The following ALMS1 variants were observed in gnomAD, a reference collection of about 807,000 sequenced individuals.
ALMS1 encodes centrosome-associated protein ALMS1.
A neutral mutation model predicts 352.2 loss-of-function variants in ALMS1; 271 were observed. That is an observed-to-expected ratio of 0.77 (90% CI 0.70 to 0.85). ALMS1 has a LOEUF of 0.85. Ranked by LOEUF, ALMS1 falls within the 40% of genes least tolerant of loss-of-function variation. The pLI is 0.00. For synonymous variants in ALMS1, 1,865 were observed against 1,761.2 expected, an observed-to-expected ratio of 1.06 and a Z score of -1.48; for missense variants, 5,445 against 4,870.7, an observed-to-expected ratio of 1.12 and a Z score of -3.51.
At chr2:73,460,969 G>A (rs889639950) in intron 9 of ALMS1, among the ~76,000 whole-genome samples, 2 of 152,248 alleles carry the variant, frequency 1.3e-5, no homozygotes, top group Non-Finnish European at 2.9e-5. Context: ...GCCCACTACA[G>A]CTCAAGGAGG....
At chr2:73,577,470 T>G (rs749022211) in intron 16 of ALMS1, among the ~76,000 whole-genome samples, 4 of 151,556 alleles carry the variant, frequency 2.6e-5, no homozygotes, top group Non-Finnish European at 4.4e-5. Flanking sequence ...ATTTAGTATG[T>G]TTTTTTTTCT....
chr2:73,569,156 AC>A (rs911596826), intron 15 of ALMS1, among the ~76,000 whole-genome samples: 7 of 151,562 alleles, frequency 4.6e-5, no homozygotes, highest in Non-Finnish European at 8.8e-5. Context: ...CTGGGATTGC[AC>A]GTGTGCACCA....
chr2:73,436,950 T>C (rs1671615679), intron 7 of ALMS1, among the ~76,000 whole-genome samples: 1 of 152,260 alleles, frequency 6.6e-6, no homozygotes, highest in Admixed American at 6.5e-5. Flanking sequence ...ATCTTACTTT[T>C]CTGTTATTGT....
In ALMS1 at chr2:73,451,609, TC is replaced by T; in HGVS notation, c.5084del (p.Pro1695LeufsTer37). ...AAGAAGCTCTGAAAGTTCCACCTGT[TC>T]CTGGACCAGATGCCCAGAAGACTGA... ...PEEALKVPPV[P>X]GPDAQKTETP... On this transcript the variant is annotated frameshift_variant, in exon 8 of 23. Transcript: ENST00000613296. LOFTEE classifies it high-confidence loss of function. The T allele has an allele frequency of 6.2e-7, 1 of 1,614,098 alleles. No homozygotes were observed.
At chr2:73,515,341 C>A (rs556078975) in intron 10 of ALMS1, among the ~76,000 whole-genome samples, 23 of 151,958 alleles carry the variant, frequency 1.5e-4, no homozygotes, top group Admixed American at 5.2e-4. Flanking sequence ...ATATTAATAA[C>A]CATTTTGAAG....
chr2:73,399,001 GC>G (rs1670819445), intron 1 of ALMS1, among the ~76,000 whole-genome samples: 1 of 152,060 alleles, frequency 6.6e-6, no homozygotes, highest in African/African-American at 2.4e-5. Context: ...CTGCCACCAT[GC>G]CTGGCTAATT....
intron 16 of ALMS1, among the ~76,000 whole-genome samples, chr2:73,585,392 CTTTT>C (rs760209126): frequency 3.3e-5 from 4 of 122,570 alleles, no homozygotes; most frequent in Admixed American, 8.4e-5. Context: ...TGATGATGAG[CTTTT>C]TTTTTTTTTT....
intron 16 of ALMS1, among the ~76,000 whole-genome samples, chr2:73,590,677 CTTTTTTTTTTTTT>C: frequency 1.8e-5 from 2 of 108,444 alleles, no homozygotes; most frequent in South Asian, 6.2e-4. Context: ...TGTTTTATTA[CTTTTTTTTTTTTT>C]TTTTTTTTTG....
chr2:73,436,336 G>C (rs1228409138), intron 7 of ALMS1, among the ~76,000 whole-genome samples: 2 of 152,110 alleles, frequency 1.3e-5, no homozygotes, highest in African/African-American at 4.8e-5. Flanking sequence ...TCAGTATCTT[G>C]ATTATGATAT....
intron 11 of ALMS1, among the ~76,000 whole-genome samples, chr2:73,525,267 T>G (rs868486670): frequency 5.0e-4 from 76 of 152,322 alleles, no homozygotes; most frequent in Middle Eastern, 6.8e-3. Flanking sequence ...CATACTGACT[T>G]ACTTTATTTT....
chr2:73,588,394 C>G (rs529857326), intron 16 of ALMS1, among the ~76,000 whole-genome samples: 3 of 152,140 alleles, frequency 2.0e-5, no homozygotes, highest in Non-Finnish European at 4.4e-5. Flanking sequence ...CCCTCGTTCT[C>G]TCTGGTTCCC....
Position 73,536,786 on chromosome 2 carries a change from G to A in ALMS1, c.9907+1837G>A, listed in dbSNP as rs539537128. The stretch of plus-strand genomic sequence containing the variant: ...GCAAAAAACTGGGGCAAAGGAAACA[G>A]CCATCCAAAGAAAGAGATAAATGTC... On this transcript the variant is annotated intron_variant, in intron 12 of 22. Coordinates refer to ENST00000613296, the MANE Select transcript of ALMS1 (RefSeq NM_001378454.1). 4.5e-4 allele frequency among the ~76,000 whole-genome samples: 69 copies of A among 152,238 alleles called. No homozygotes were observed. The South Asian group carries it at 0.013, about 29-fold the overall frequency.
chr2:73,425,844 A>G (rs573722265), intron 5 of ALMS1, among the ~76,000 whole-genome samples: 1 of 152,324 alleles, frequency 6.6e-6, no homozygotes, highest in Admixed American at 6.5e-5. Flanking sequence ...ATAGCTTCCT[A>G]TACTGGCATC....
chr2:73,436,763 G>A (rs1321934635), intron 7 of ALMS1, among the ~76,000 whole-genome samples: 1 of 151,984 alleles, frequency 6.6e-6, no homozygotes, highest in Non-Finnish European at 1.5e-5. Flanking sequence ...TTCTGTATTT[G>A]ATGTGACTTT....
At chr2:73,483,039 A>AT (rs1236726426) in intron 9 of ALMS1, among the ~76,000 whole-genome samples, 1 of 151,948 alleles carries the variant, frequency 6.6e-6, no homozygotes, top group Admixed American at 6.5e-5. Flanking sequence ...GGATTCATTA[A>AT]TTTTTTGAAG....
At chr2:73,402,227 A>C (rs1292613780) in intron 1 of ALMS1, among the ~76,000 whole-genome samples, 1 of 151,516 alleles carries the variant, frequency 6.6e-6, no homozygotes, top group Non-Finnish European at 1.5e-5. Flanking sequence ...TAGGTCATAC[A>C]AGAAAAGTAG....
At chr2:73,443,523 A>G (rs1409822963) in intron 7 of ALMS1, among the ~76,000 whole-genome samples, 1 of 152,172 alleles carries the variant, frequency 6.6e-6, no homozygotes, top group African/African-American at 2.4e-5. Context: ...ATATGTTGCT[A>G]TAGTATCCTG....
chr2:73,603,237 C>G lies in ALMS1; in HGVS notation c.12299-4C>G. 1.2e-6 allele frequency: 2 copies of G among 1,614,028 alleles called. No individual in the cohort carries two copies. The highest frequency in any genetic ancestry group is 1.7e-6 in the Non-Finnish European group (2 of 1,179,930). Reference sequence around the variant, plus strand: ...CACTGAAAACCCTTTCTTCTCTTGCCTAGTCTTCCTGGCTATCCAGAAGAA... The same window carrying G: ...CACTGAAAACCCTTTCTTCTCTTGCGTAGTCTTCCTGGCTATCCAGAAGAA... On this transcript the variant is annotated splice_region_variant and splice_polypyrimidine_tract_variant and intron_variant, in intron 20 of 22. Transcript: ENST00000613296.
At chr2:73,459,803 G>A (rs749904274) in intron 9 of ALMS1, among the ~76,000 whole-genome samples, 5 of 152,100 alleles carry the variant, frequency 3.3e-5, no homozygotes, top group African/African-American at 7.2e-5. Flanking sequence ...TCCAAGGGGC[G>A]CTGGTTCTTT....
Sources: gnomAD v4.1 joint callset for allele counts (sites outside exome capture counted in the v4.1 genomes callset) on GRCh38, gnomAD v4.1.1 for gene constraint, MANE v1.5 for transcripts, NCBI Gene and HGNC (gene_info 2026-07-23, HGNC 2026-07-21) for gene names.